Variants in UTP18 observed in about 807,000 individuals in gnomAD.
UTP18 encodes UTP18 small subunit processome component.
Under a neutral mutation model 61.1 loss-of-function variants are expected in UTP18, and 36 were observed. The ratio of observed to expected loss-of-function variants is 0.59; its 90% confidence interval spans 0.45 to 0.78. The LOEUF (loss-of-function observed/expected upper bound fraction) is 0.78. Ranked by LOEUF, UTP18 falls within the 30% of genes least tolerant of loss-of-function variation. The pLI is 0.00. For synonymous variants in UTP18, 282 were observed against 251.1 expected, an observed-to-expected ratio of 1.12 and a Z score of -1.16; for missense variants, 753 against 693.9, an observed-to-expected ratio of 1.09 and a Z score of -0.96.
chr17:51,263,414 C>T (rs1290534673), intron 2 of UTP18, 28 bp downstream of exon 2: 5 of 1,497,360 alleles, frequency 3.3e-6, no homozygotes, highest in South Asian at 2.4e-5. Flanking sequence ...TCTTCTGAAT[C>T]CCTCTGTACA....
chr17:51,261,127 G>A (rs1221888919), intron 1 of UTP18, among the ~76,000 whole-genome samples: 1 of 152,244 alleles, frequency 6.6e-6, no homozygotes. Context: ...CTGGAGGGCG[G>A]GGACCGCGTC....
At chr17:51,276,628 A>G (rs1904730896) in intron 6 of UTP18, among the ~76,000 whole-genome samples, 1 of 152,178 alleles carries the variant, frequency 6.6e-6, no homozygotes, top group Non-Finnish European at 1.5e-5. Flanking sequence ...TCACTTCAGG[A>G]TGTCACTCTC....
At chr17:51,285,492 G>T in intron 10 of UTP18, 124 bp downstream of exon 10, 2 of 1,210,206 alleles carry the variant, frequency 1.7e-6, no homozygotes, top group Non-Finnish European at 2.2e-6. Context: ...ATATGAAATT[G>T]GTCAACCCAG....
At chr17:51,285,592 GT>G (rs1905080174) in intron 10 of UTP18, among the ~76,000 whole-genome samples, 1 of 152,088 alleles carries the variant, frequency 6.6e-6, no homozygotes, top group African/African-American at 2.4e-5. Context: ...ACTGTTTGTG[GT>G]TTTAGTTACC....
In UTP18 at chr17:51,260,994, G is replaced by C. The variant is rs578261636; in HGVS notation, c.342+68G>C. The stretch of plus-strand genomic sequence containing the variant: ...GGCGCGCGGTGGGCGGTGAAGCTCC[G>C]GGGGGCGGAGCCTGGGCGACCTGCG... On this transcript the variant is annotated intron_variant, in intron 1 of 13. Transcript: ENST00000225298. The C allele has an allele frequency of 2.5e-3, 3,281 of 1,333,202 alleles. 124 individuals carry two copies. In the South Asian group the frequency reaches 0.057, roughly 23 times the overall value. 82.6% of individuals were successfully genotyped at this position (1,333,202 alleles called of 1,614,324 possible). A position where few individuals can be genotyped will look rare whatever the true frequency, so the allele number is the denominator to read the frequency against.
intron 11 of UTP18, among the ~76,000 whole-genome samples, chr17:51,292,930 G>A (rs1276535317): frequency 1.3e-5 from 2 of 152,204 alleles, no homozygotes; most frequent in Admixed American, 1.3e-4. Context: ...AGGAGAAATT[G>A]TAAAAGGCAA....
chr17:51,285,581 C>G (rs1409441665), intron 10 of UTP18, among the ~76,000 whole-genome samples: 1 of 152,152 alleles, frequency 6.6e-6, no homozygotes, highest in Non-Finnish European at 1.5e-5. Context: ...TCTGCAGTTT[C>G]ACTGTTTGTG....
At chr17:51,297,327 ATATAGC>A (rs1197733427) in intron 13 of UTP18, among the ~76,000 whole-genome samples, 1 of 152,236 alleles carries the variant, frequency 6.6e-6, no homozygotes, top group Admixed American at 6.5e-5. Flanking sequence ...GGGTCTTCAG[ATATAGC>A]TATAGCTTGT....
chr17:51,269,418 T>C (rs1344927778), intron 4 of UTP18, among the ~76,000 whole-genome samples: 2 of 151,860 alleles, frequency 1.3e-5, no homozygotes. Context: ...TTAGCTATTA[T>C]AAATATGGAT....
intron 10 of UTP18, among the ~76,000 whole-genome samples, chr17:51,287,134 CT>C (rs975099560): frequency 2.0e-5 from 3 of 152,134 alleles, no homozygotes; most frequent in African/African-American, 4.8e-5. Flanking sequence ...ATTGCCCTCT[CT>C]TTTTTGTATC....
intron 11 of UTP18, among the ~76,000 whole-genome samples, chr17:51,289,065 A>G (rs1427821102): frequency 6.6e-6 from 1 of 152,236 alleles, no homozygotes; most frequent in Non-Finnish European, 1.5e-5. Context: ...CATTGTTTGT[A>G]CAAACAGTTT....
chr17:51,277,358 T>C, intron 7 of UTP18, 54 bp downstream of exon 7: 1 of 1,584,286 alleles, frequency 6.3e-7, no homozygotes, highest in Non-Finnish European at 8.6e-7. Context: ...GGTGAGTTTA[T>C]GTAACAGTGT....
rs527978274 is a variant in UTP18 at position 51,264,744 on chromosome 17, G to A, written c.455+1358G>A. On this transcript the variant is annotated intron_variant, in intron 2 of 13. Transcript: ENST00000225298. ...TTCATCCAGGCTGGAGTTCAGTGGC[G>A]CGATCTTGGCTCACTGCAACCTCCG... Among the ~76,000 whole-genome samples the A allele has an allele frequency of 1.2e-4, 18 of 149,952 alleles. 1 individual carries two copies. The highest frequency in any genetic ancestry group is 1.1e-3 in the South Asian group (5 of 4,738).
chr17:51,282,861 CTTCTTCTTTTTTTTTT>C (rs1319971348), intron 9 of UTP18, among the ~76,000 whole-genome samples: 1 of 93,374 alleles, frequency 1.1e-5, no homozygotes, highest in Non-Finnish European at 1.9e-5. Context: ...TCTTCTTCTT[CTTCTTCTTTTTTTTTT>C]TTTTTTTTTG....
At chr17:51,287,959 TA>T (rs1246733105) in intron 10 of UTP18, 69 bp from the exon 11 acceptor site, 53 of 1,206,264 alleles carry the variant, frequency 4.4e-5, no homozygotes, top group Admixed American at 6.9e-5. Context: ...GGGTTAAATC[TA>T]TATTCACTTA....
intron 4 of UTP18, among the ~76,000 whole-genome samples, chr17:51,270,447 A>G (rs906777445): frequency 3.3e-5 from 5 of 152,194 alleles, no homozygotes; most frequent in African/African-American, 1.2e-4. Flanking sequence ...ATAGAACCCC[A>G]CAACATTTTA....
chr17:51,285,149 C>A, intron 9 of UTP18, 96 bp from the exon 10 acceptor site: 1 of 1,372,780 alleles, frequency 7.3e-7, no homozygotes, highest in Non-Finnish European at 1.0e-6. Context: ...TATTTGTAGT[C>A]TCCTGTACTG....
intron 3 of UTP18, among the ~76,000 whole-genome samples, chr17:51,266,619 T>C (rs570398187): frequency 7.2e-5 from 11 of 152,336 alleles, no homozygotes; most frequent in Admixed American, 5.2e-4. Context: ...TTTTGTCATA[T>C]TTGCTTTGTG....
chr17:51,281,425 T>TC (rs1198300111), intron 9 of UTP18, among the ~76,000 whole-genome samples: 1 of 152,142 alleles, frequency 6.6e-6, no homozygotes, highest in Non-Finnish European at 1.5e-5. Context: ...TGCCTTTTTT[T>TC]CTCTATTCTC....
Sources: allele counts gnomAD v4.1 joint callset (sites outside exome capture counted in the v4.1 genomes callset), GRCh38; gene constraint gnomAD v4.1.1; transcripts MANE v1.5; gene names NCBI Gene and HGNC (gene_info 2026-07-23, HGNC 2026-07-21).